ISCA1: variants seen among roughly 807,000 people sequenced by gnomAD.
ISCA1 encodes iron-sulfur cluster assembly 1 homolog, mitochondrial.
In ISCA1, 9 loss-of-function variants were observed where a neutral mutation model predicts 14.7. The ratio of observed to expected loss-of-function variants is 0.61; its 90% CI spans 0.37 to 1.07. The LOEUF (loss-of-function observed/expected upper bound fraction) is 1.07. Ranked by LOEUF, ISCA1 falls within the 50% of genes least tolerant of loss-of-function variation. The probability of loss-of-function intolerance (pLI) is 0.01; values close to 1 mark genes in which losing one functional copy is unlikely to be tolerated. For missense variants in ISCA1, 102 were observed against 150.1 expected, an observed-to-expected ratio of 0.68 and a Z score of 1.67; for synonymous variants, 38 against 54.3, an observed-to-expected ratio of 0.70 and a Z score of 1.32.
intron 1 of ISCA1, among the ~76,000 whole-genome samples, chr9:86,278,796 C>T (rs886825346): frequency 6.6e-6 from 1 of 152,136 alleles, no homozygotes; most frequent in African/African-American, 2.4e-5. Context: ...TTACTGAGCA[C>T]CTTCTAAGTG....
chr9:86,275,430 C>T (rs1448772271), intron 1 of ISCA1, among the ~76,000 whole-genome samples: 3 of 152,126 alleles, frequency 2.0e-5, no homozygotes, highest in Non-Finnish European at 2.9e-5. Flanking sequence ...CCTGGAAGAG[C>T]CAGCCCAATG....
intron 1 of ISCA1, among the ~76,000 whole-genome samples, chr9:86,275,827 C>T (rs1253449930): frequency 6.6e-6 from 1 of 152,102 alleles, no homozygotes; most frequent in African/African-American, 2.4e-5. Flanking sequence ...CAGGGAAGAG[C>T]AGGATTATGG....
At chr9:86,279,570 C>T (rs1825484023) in intron 1 of ISCA1, among the ~76,000 whole-genome samples, 1 of 152,212 alleles carries the variant, frequency 6.6e-6, no homozygotes, top group Non-Finnish European at 1.5e-5. Flanking sequence ...AATGTTGCAA[C>T]ATGTCAAATT....
chr9:86,276,007 C>T (rs1050148395), intron 1 of ISCA1, among the ~76,000 whole-genome samples: 1 of 152,172 alleles, frequency 6.6e-6, no homozygotes. Context: ...GGAATGGTTT[C>T]TGAATGATTC....
chr9:86,271,179 G>A lies in ISCA1; in HGVS notation c.241+828C>T, dbSNP rs373363106. ...AAATACTTACCATTGTGTCAGAACT[G>A]TGCACAGTATTCAGCACAGTCACGT... On this transcript the variant is annotated intron_variant, in intron 3 of 3. Coordinates refer to ENST00000375991, the MANE Select transcript of ISCA1 (RefSeq NM_030940.4). Among the ~76,000 whole-genome samples the A allele has an allele frequency of 4.6e-5, 7 of 152,170 alleles. 1 individual carries two copies. Among genetic ancestry groups the A allele is most frequent in the Admixed American group, 3.3e-4 (5 of 15,290 alleles).
chr9:86,267,335 A>G, intron 3 of ISCA1: 5 of 821,058 alleles, frequency 6.1e-6, no homozygotes, highest in Non-Finnish European at 7.4e-6. Context: ...CTTTAAGATG[A>G]AAATCTTAAG....
chr9:86,267,390 G>A (rs1825303913), intron 3 of ISCA1: 1 of 884,700 alleles, frequency 1.1e-6, no homozygotes, highest in Non-Finnish European at 1.4e-6. Flanking sequence ...TTTTTAAAAG[G>A]TCTTTATTGA....
At chr9:86,280,791 G>C (rs1307406392) in intron 1 of ISCA1, among the ~76,000 whole-genome samples, 2 of 151,982 alleles carry the variant, frequency 1.3e-5, no homozygotes, top group Non-Finnish European at 2.9e-5. Flanking sequence ...GTGCATGCAT[G>C]ACGGTGCACA....
intron 3 of ISCA1, among the ~76,000 whole-genome samples, chr9:86,271,067 A>G (rs1825362877): frequency 6.6e-6 from 1 of 151,592 alleles, no homozygotes; most frequent in Non-Finnish European, 1.5e-5. Flanking sequence ...CATTGTGCAC[A>G]TGTACCCTAA....
In ISCA1 at chr9:86,265,909, A is replaced by C. The variant is rs1156567438; in HGVS notation, c.*134T>G. 1.5e-6 allele frequency: 2 copies of C among 1,369,482 alleles called. No homozygotes were observed. Among genetic ancestry groups the C allele is most frequent in the African/African-American group, 2.8e-5 (2 of 70,260 alleles). The allele number at this position is 1,369,482 out of a possible 1,614,324, so 84.8% of individuals were successfully genotyped here. A position where few individuals can be genotyped will look rare whatever the true frequency, so the allele number is the denominator to read the frequency against. ...GAATATAAATATCATTTCTTCTGGA[A>C]TCCAACACACTGGATTCATTTTCAA... is the stretch of plus-strand genomic sequence containing the variant. On this transcript the variant is annotated 3_prime_UTR_variant, in exon 4 of 4. Coordinates refer to ENST00000375991, the MANE Select transcript of ISCA1 (RefSeq NM_030940.4).
chr9:86,271,556 A>G lies in ISCA1; in HGVS notation c.241+451T>C, dbSNP rs1264336581. ...TTCAGATTTCAGATTTTTGGATTGG[A>G]ATGCTCAACTCGTACTTATTTGACA... On this transcript the variant is annotated intron_variant, in intron 3 of 3. Coordinates refer to ENST00000375991, the MANE Select transcript of ISCA1 (RefSeq NM_030940.4). Among the ~76,000 whole-genome samples the G allele has an allele frequency of 4.6e-5, 7 of 152,176 alleles. No individual in the cohort carries two copies. The East Asian group carries it at 1.3e-3, about 29-fold the overall frequency.
In ISCA1 at chr9:86,281,163, T is replaced by G. The variant is rs567479391; in HGVS notation, c.81+1215A>C. On this transcript the variant is annotated intron_variant, in intron 1 of 3. Transcript: ENST00000375991. ...TCTTAAAACCTTGTTTAATTCTACA[T>G]CCCACGGTGTATGAAAATAAGCTTG... 7.9e-5 allele frequency among the ~76,000 whole-genome samples: 12 copies of G among 152,170 alleles called. No homozygotes were observed. In the South Asian group the frequency reaches 2.5e-3, roughly 32 times the overall value.
rs1825278424 is a variant in ISCA1 at position 86,265,071 on chromosome 9, T to C, written c.*972A>G. 1 of 152,236 alleles carries C rather than the reference T, an allele frequency of 6.6e-6. No individual in the cohort carries two copies. Among genetic ancestry groups the C allele is most frequent in the African/African-American group, 2.4e-5 (1 of 41,464 alleles). The allele number at this position is 152,236 out of a possible 1,614,324, so 9.4% of individuals were successfully genotyped here. ...TGTTTCAAAGGTGAAAGAAACAAGA[T>C]GGTAATTGACATAAAAAGGTTTTAA... is the stretch of plus-strand genomic sequence containing the variant. On this transcript the variant is annotated 3_prime_UTR_variant, in exon 4 of 4. Coordinates refer to ENST00000375991, the MANE Select transcript of ISCA1 (RefSeq NM_030940.4).
chr9:86,267,709 T>G, intron 3 of ISCA1: 2 of 434,908 alleles, frequency 4.6e-6, no homozygotes, highest in Non-Finnish European at 6.1e-6. Context: ...GGTGGGCGCC[T>G]ATAATCCCAG....
intron 1 of ISCA1, among the ~76,000 whole-genome samples, chr9:86,277,922 G>C (rs1359926132): frequency 1.3e-5 from 2 of 152,162 alleles, no homozygotes; most frequent in African/African-American, 4.8e-5. Context: ...AAAATTAAGG[G>C]AAAAGGCATT....
rs1825274898 is a variant in ISCA1, at chr9:86,264,762, G to A, written c.*1281C>T. ...AAGGAACTCAGCTACTTGAATTCAT[G>A]AGAATCAGCTTTCAAAAAAAGCATA... On this transcript the variant is annotated 3_prime_UTR_variant, in exon 4 of 4. Coordinates refer to ENST00000375991, the MANE Select transcript of ISCA1 (RefSeq NM_030940.4). 2 of 152,274 alleles carry A rather than the reference G, an allele frequency of 1.3e-5. No individual in the cohort carries two copies. Among genetic ancestry groups the A allele is most frequent in the Admixed American group, 1.3e-4 (2 of 15,280 alleles). 9.4% of individuals were successfully genotyped at this position (152,274 alleles called of 1,614,324 possible). A position where few individuals can be genotyped will look rare whatever the true frequency, so the allele number is the denominator to read the frequency against.
chr9:86,278,960 A>G (rs577931069), intron 1 of ISCA1, among the ~76,000 whole-genome samples: 1 of 152,312 alleles, frequency 6.6e-6, no homozygotes, highest in East Asian at 1.9e-4. Context: ...TCCTTCACCA[A>G]CAGGATCTAC....
intron 3 of ISCA1, among the ~76,000 whole-genome samples, chr9:86,270,364 A>G (rs984060999): frequency 2.0e-5 from 3 of 151,778 alleles, no homozygotes; most frequent in Non-Finnish European, 4.4e-5. Context: ...ACTGGCCATC[A>G]GAGAAATGCA....
Position 86,265,973 on chromosome 9 carries a change from G to C in ISCA1, c.*70C>G. 2 of 1,600,536 alleles carry C rather than the reference G, an allele frequency of 1.2e-6. No individual in the cohort carries two copies. Among genetic ancestry groups the C allele is most frequent in the Non-Finnish European group, 1.7e-6 (2 of 1,169,584 alleles). On this transcript the variant is annotated 3_prime_UTR_variant, in exon 4 of 4. Transcript: ENST00000375991. ...ATTTTCCAGCACGTGACAGTCACATGATTTCTGCAGTGAGCCCCAAAGCTT... is the reference window on the plus strand; with the variant it reads ...ATTTTCCAGCACGTGACAGTCACATCATTTCTGCAGTGAGCCCCAAAGCTT...
Sources: allele counts gnomAD v4.1 joint callset (sites outside exome capture counted in the v4.1 genomes callset), GRCh38; gene constraint gnomAD v4.1.1; transcripts MANE v1.5; gene names NCBI Gene and HGNC (gene_info 2026-07-23, HGNC 2026-07-21).